Variants in ZC3H12B observed in about 807,000 individuals in gnomAD.
The protein encoded by ZC3H12B is probable ribonuclease ZC3H12B.
ZC3H12B carries 7 observed loss-of-function variants against 43.9 expected under a neutral mutation model. The ratio of observed to expected loss-of-function variants is 0.16; its 90% CI spans 0.09 to 0.30. The LOEUF is 0.30. Among genes scored for constraint, ZC3H12B ranks in the 10% least tolerant of loss-of-function variants. ZC3H12B has a pLI of 1.00. For synonymous variants in ZC3H12B, 222 were observed against 241.7 expected, an observed-to-expected ratio of 0.92 and a Z score of 0.76; for missense variants, 475 against 670.2, an observed-to-expected ratio of 0.71 and a Z score of 3.22.
chrX:65,291,908 G>A, the ZC3H12B span, among the ~76,000 whole-genome samples: 1 of 111,704 alleles, frequency 9.0e-6, no homozygotes, highest in Non-Finnish European at 1.9e-5. Flanking sequence ...TACAGTAAGG[G>A]AAATTATCAG....
chrX:65,176,591 G>A, the ZC3H12B span, among the ~76,000 whole-genome samples: 19 of 111,676 alleles, frequency 1.7e-4, no homozygotes, highest in Admixed American at 3.8e-4. Flanking sequence ...AACTGATGGA[G>A]GGGATAACAC....
chrX:65,269,514 T>C, the ZC3H12B span, among the ~76,000 whole-genome samples: 13 of 111,240 alleles, frequency 1.2e-4, no homozygotes, highest in Admixed American at 8.6e-4. Flanking sequence ...TATTATTATT[T>C]TTTTTGACAG....
At chrX:65,141,717 T>A in the ZC3H12B span, among the ~76,000 whole-genome samples, 1 of 110,847 alleles carries the variant, frequency 9.0e-6, no homozygotes, top group Non-Finnish European at 1.9e-5. Flanking sequence ...TTCTTATGCC[T>A]TTACATCCTC....
At chrX:65,158,365 T>C in the ZC3H12B span, among the ~76,000 whole-genome samples, 1 of 111,635 alleles carries the variant, frequency 9.0e-6, no homozygotes, top group Admixed American at 9.6e-5. Context: ...TCCACAATGG[T>C]TGAACTAGTT....
intron 3 of ZC3H12B, among the ~76,000 whole-genome samples, chrX:65,414,174 A>G (rs1029381931): frequency 2.7e-5 from 3 of 111,687 alleles, no homozygotes; most frequent in African/African-American, 9.7e-5. Context: ...ATTGTTGTGT[A>G]CTTTTCTTAT....
chrX:65,312,529 G>A, the ZC3H12B span, among the ~76,000 whole-genome samples: 2 of 109,369 alleles, frequency 1.8e-5, no homozygotes, highest in Non-Finnish European at 1.9e-5. Flanking sequence ...AAAAAAAAAT[G>A]GGCCCCTCTT....
chrX:65,379,453 C>T (rs2066403034), intron 2 of ZC3H12B, among the ~76,000 whole-genome samples: 1 of 112,041 alleles, frequency 8.9e-6, no homozygotes, highest in Admixed American at 9.5e-5. Context: ...AAAAACCCAT[C>T]TGTACATCAC....
the ZC3H12B span, among the ~76,000 whole-genome samples, chrX:65,082,302 G>A: frequency 9.0e-6 from 1 of 110,760 alleles, no homozygotes; most frequent in Non-Finnish European, 1.9e-5. Flanking sequence ...TTGAAATGAA[G>A]AAACAATACA....
the ZC3H12B span, among the ~76,000 whole-genome samples, chrX:65,061,912 G>T: frequency 1.8e-5 from 2 of 112,521 alleles, no homozygotes; most frequent in African/African-American, 6.5e-5. Flanking sequence ...TTTCTTTAAT[G>T]ACCAGTGATG....
the ZC3H12B span, among the ~76,000 whole-genome samples, chrX:65,301,386 G>T: frequency 1.8e-5 from 2 of 111,694 alleles, no homozygotes; most frequent in South Asian, 7.4e-4. Context: ...GCACATTCAT[G>T]TTTATAGCAG....
chrX:65,066,562 A>T, the ZC3H12B span, among the ~76,000 whole-genome samples: 15,728 of 110,860 alleles, frequency 0.14, 2,731 homozygotes, highest in African/African-American at 0.49. Context: ...GCTCTTCTGT[A>T]TGAGGCGTCT....
At chrX:65,088,265 G>T in the ZC3H12B span, among the ~76,000 whole-genome samples, 3 of 111,383 alleles carry the variant, frequency 2.7e-5, no homozygotes, top group Non-Finnish European at 5.7e-5. Flanking sequence ...TGCCCTTTTG[G>T]GTGGTAGTAA....
chrX:65,277,982 A>T, the ZC3H12B span, among the ~76,000 whole-genome samples: 1 of 111,539 alleles, frequency 9.0e-6, no homozygotes, highest in South Asian at 3.7e-4. Flanking sequence ...AATAAGAAAA[A>T]AAATGAAAGA....
At chrX:65,160,397 CT>C in the ZC3H12B span, among the ~76,000 whole-genome samples, 2 of 111,551 alleles carry the variant, frequency 1.8e-5, no homozygotes, top group South Asian at 3.8e-4. Context: ...GTCCTGGACT[CT>C]TTTTGGTTGG....
At chrX:65,073,355 C>T in the ZC3H12B span, among the ~76,000 whole-genome samples, 7 of 112,055 alleles carry the variant, frequency 6.2e-5, no homozygotes, top group South Asian at 1.9e-3. Context: ...GTGGGGGCCA[C>T]TCTGCTGGAA....
intron 1 of ZC3H12B, among the ~76,000 whole-genome samples, chrX:65,493,413 C>T (rs918826036): frequency 9.0e-6 from 1 of 111,442 alleles, no homozygotes; most frequent in South Asian, 3.8e-4. Context: ...TATGATGCTT[C>T]GTTTGCCATT....
At chrX:65,216,745 T>C in the ZC3H12B span, among the ~76,000 whole-genome samples, 2 of 111,759 alleles carry the variant, frequency 1.8e-5, no homozygotes, top group African/African-American at 6.5e-5. Context: ...ACTTTTTTCT[T>C]ACAACATGAG....
the ZC3H12B span, among the ~76,000 whole-genome samples, chrX:65,346,295 C>G: frequency 2.8e-5 from 3 of 106,502 alleles, no homozygotes; most frequent in Non-Finnish European, 5.8e-5. Flanking sequence ...AATAATGGAA[C>G]AGAATACATA....
At chrX:65,099,024 G>T in the ZC3H12B span, among the ~76,000 whole-genome samples, 1 of 111,502 alleles carries the variant, frequency 9.0e-6, no homozygotes, top group Non-Finnish European at 1.9e-5. Context: ...AAGTCCACCT[G>T]GGATGATTGA....
Sources: gnomAD v4.1 joint callset for allele counts (sites outside exome capture counted in the v4.1 genomes callset) on GRCh38, gnomAD v4.1.1 for gene constraint, MANE v1.5 for transcripts, NCBI Gene and HGNC (gene_info 2026-07-23, HGNC 2026-07-21) for gene names.